Variants in ZMIZ2 observed in about 807,000 individuals in gnomAD.
ZMIZ2 encodes zinc finger MIZ domain-containing protein 2.
In ZMIZ2, 26 loss-of-function variants were observed where a neutral mutation model predicts 93.9. That is an observed-to-expected ratio of 0.28 (90% confidence interval 0.20 to 0.38). ZMIZ2 has a LOEUF of 0.38. Ranked by LOEUF, ZMIZ2 falls within the 10% of genes least tolerant of loss-of-function variation. The pLI is 1.00. For missense variants in ZMIZ2, 1,023 were observed against 1,235.0 expected, an observed-to-expected ratio of 0.83 and a Z score of 2.57; for synonymous variants, 485 against 516.4, an observed-to-expected ratio of 0.94 and a Z score of 0.82.
intron 1 of ZMIZ2, among the ~76,000 whole-genome samples, chr7:44,755,916 C>T (rs1027183231): frequency 6.6e-6 from 1 of 152,068 alleles, no homozygotes; most frequent in African/African-American, 2.4e-5. Context: ...TCGGGAAGTC[C>T]ATCTCTAGGG....
At position 44,766,672 on chromosome 7, in the gene ZMIZ2, C is replaced by T. The variant is rs1791741065; in HGVS notation, c.2655+9C>T. On this transcript the variant is annotated intron_variant, in intron 18 of 18. Transcript: ENST00000309315. This position sits in a 1 kb window ranked among gnomAD's most constrained non-coding sequence, Gnocchi z 4.4. ...CAGAACCAGCTCTGGACGTGAGTAC[C>T]AGGCCCCATGCGGGGGAGTGCGTGG... 1.2e-6 allele frequency: 2 copies of T among 1,612,402 alleles called. No individual in the cohort carries two copies. The highest frequency in any genetic ancestry group is 1.7e-6 in the Non-Finnish European group (2 of 1,179,520).
Position 44,761,319 on chromosome 7 carries a change from CT to C in ZMIZ2, c.1241-129del, listed in dbSNP as rs1180062208. ...ACCACTCAGGCCTGCCAAGCAGTGCCTGACAGGAGGGGCTCCCTTCACCAAG... is the reference window on the plus strand; with the variant it reads ...ACCACTCAGGCCTGCCAAGCAGTGCCGACAGGAGGGGCTCCCTTCACCAAG... On this transcript the variant is annotated intron_variant, in intron 9 of 18. Transcript: ENST00000309315. This position sits in a 1 kb window ranked among gnomAD's most constrained non-coding sequence, Gnocchi z 5.8. The C allele has an allele frequency of 1.5e-5, 21 of 1,434,618 alleles. No homozygotes were observed. The highest frequency in any genetic ancestry group is 1.9e-5 in the Non-Finnish European group (21 of 1,079,882). The allele number at this position is 1,434,618 out of a possible 1,614,324, so 88.9% of individuals were successfully genotyped here.
intron 7 of ZMIZ2, chr7:44,759,884 C>T: frequency 1.9e-6 from 1 of 540,098 alleles, no homozygotes; most frequent in South Asian, 2.1e-5. Flanking sequence ...AGCCTACCTC[C>T]CTGGGAGCCT....
At chr7:44,764,158 A>G (rs967481891) in intron 13 of ZMIZ2, among the ~76,000 whole-genome samples, 2 of 152,054 alleles carry the variant, frequency 1.3e-5, no homozygotes, top group Non-Finnish European at 2.9e-5. Flanking sequence ...CAAAAATACC[A>G]TGTTCTGGAA....
chr7:44,752,442 C>T (rs147282870), intron 1 of ZMIZ2, among the ~76,000 whole-genome samples: 1 of 152,272 alleles, frequency 6.6e-6, no homozygotes, highest in East Asian at 1.9e-4. Context: ...CGTGCCCAGC[C>T]TGTTGCCTTC....
chr7:44,762,332 A>T (rs1023291096), intron 11 of ZMIZ2, among the ~76,000 whole-genome samples: 3 of 152,236 alleles, frequency 2.0e-5, no homozygotes, highest in African/African-American at 7.2e-5. Flanking sequence ...AAACCAGGAT[A>T]TGCAGAAAGC....
Position 44,763,134 on chromosome 7 carries a change from C to T in ZMIZ2, c.1703-122C>T. 6.8e-7 allele frequency: 1 copy of T among 1,476,628 alleles called. No individual in the cohort carries two copies. Among genetic ancestry groups the T allele is most frequent in the Non-Finnish European group, 9.3e-7 (1 of 1,079,446 alleles). The allele number at this position is 1,476,628 out of a possible 1,614,324, so 91.5% of individuals were successfully genotyped here. ...TCTGCAGTAGGGGCAGTGGTTAGTT[C>T]CAGGTGGCCCCTCAGAGCTGTCAGT... On this transcript the variant is annotated intron_variant, in intron 12 of 18. Coordinates refer to ENST00000309315, the MANE Select transcript of ZMIZ2 (RefSeq NM_031449.4). The surrounding 1 kb of genome is among the most constrained non-coding windows in gnomAD (Gnocchi z 5.6).
intron 1 of ZMIZ2, among the ~76,000 whole-genome samples, chr7:44,755,026 G>T (rs1207056885): frequency 6.6e-6 from 1 of 152,190 alleles, no homozygotes; most frequent in East Asian, 1.9e-4. Context: ...GGGCTTGCTT[G>T]TGGCAGTGTC....
Position 44,762,919 on chromosome 7 carries a change from C to T in ZMIZ2, c.1635C>T (p.Ser545=), listed in dbSNP as rs368102529. 113 of 1,612,914 alleles carry T rather than the reference C, an allele frequency of 7.0e-5. No homozygotes were observed. In the Admixed American group the frequency reaches 1.2e-3, roughly 17 times the overall value. The change falls in exon 12 of 19, where the codon TCC becomes TCT. Residue 545 remains serine (S), a synonymous_variant. Coordinates refer to ENST00000309315, the MANE Select transcript of ZMIZ2 (RefSeq NM_031449.4). ...TGCTGCAGCTAGTGCACCGCCCATC[C>T]GTCCGCTCGGTGCTGCAGGGCCTCC... The part of the protein sequence containing the change: ...LFVLQLVHRP[S]VRSVLQGLLK...
intron 6 of ZMIZ2, among the ~76,000 whole-genome samples, 197 bp from the exon 7 acceptor site, chr7:44,759,084 T>TAAAAA (rs71563954): frequency 4.1e-5 from 4 of 97,494 alleles, no homozygotes; most frequent in African/African-American, 8.4e-5. Flanking sequence ...TGTCTCAAAT[T>TAAAAA]AAAAAAAAAA....
Position 44,758,011 on chromosome 7 carries a change from C to T in ZMIZ2, c.716C>T (p.Pro239Leu). 1 of 1,612,046 alleles carries T rather than the reference C, an allele frequency of 6.2e-7. No individual in the cohort carries two copies. The change falls in exon 6 of 19, where the codon CCC becomes CTC. Residue 239 changes from proline (P) to leucine (L), a missense_variant. Around this residue, in one of 3 missense-constraint regions of ZMIZ2, gnomAD observed 656 missense variants for 777.1 expected, o/e 0.84. Coordinates refer to ENST00000309315, the MANE Select transcript of ZMIZ2 (RefSeq NM_031449.4). ...CCCACCCGGGCAGCAGGAATGACAC[C>T]CTTGTATGCAGGGCAGCGTCTGCCC... is the stretch of plus-strand genomic sequence containing the variant. ...MNPTRAAGMT[P>L]LYAGQRLPQH... is the part of the protein sequence containing the mutation.
At chr7:44,762,735 A>C in intron 11 of ZMIZ2, 146 bp from the exon 12 acceptor site, 4 of 666,476 alleles carry the variant, frequency 6.0e-6, no homozygotes, top group Non-Finnish European at 7.6e-6. Context: ...TGTTGGCTGA[A>C]TCCCCACCCC....
chr7:44,759,069 G>T (rs185425379), intron 6 of ZMIZ2, among the ~76,000 whole-genome samples: 63 of 140,226 alleles, frequency 4.5e-4, no homozygotes, highest in African/African-American at 1.7e-3. Flanking sequence ...GCAACAGAGT[G>T]AGACTGTCTC....
Position 44,766,184 on chromosome 7 carries a change from G to A in ZMIZ2, c.2263G>A (p.Gly755Arg). 2 of 1,612,216 alleles carry A rather than the reference G, an allele frequency of 1.2e-6. No individual in the cohort carries two copies. Among genetic ancestry groups the A allele is most frequent in the Non-Finnish European group, 1.7e-6 (2 of 1,179,224 alleles). The change falls in exon 17 of 19, where the codon GGA (glycine) becomes AGA (arginine). Residue 755 changes from glycine to arginine, a missense_variant. Physicochemically the swap from Gly to Arg is moderately radical, Grantham distance 125. Around this residue, in one of 3 missense-constraint regions of ZMIZ2, gnomAD observed 319 missense variants for 358.8 expected, o/e 0.89. Transcript: ENST00000309315. This position sits in a 1 kb window ranked among gnomAD's most constrained non-coding sequence, Gnocchi z 4.4. ...CACAGGTTCCAGCTTCCTGGGGCCT[G>A]GAACTTTCCCTGAGTCCTTCCCACC... The part of the protein sequence containing the change: ...PGQGSSFLGP[G>R]TFPESFPPTT...
chr7:44,756,904 G>A (rs747148710), intron 3 of ZMIZ2, 43 bp from the exon 4 acceptor site: 42 of 1,608,278 alleles, frequency 2.6e-5, no homozygotes, highest in East Asian at 1.3e-4. Flanking sequence ...CATGAAGCAC[G>A]TTGTTTGGCT....
At position 44,761,862 on chromosome 7, in the gene ZMIZ2, C is replaced by G; in HGVS notation, c.1553C>G (p.Pro518Arg). Reference protein sequence around the residue: ...KPLYLKHVCQPGRNTIQITVT... With the variant: ...KPLYLKHVCQRGRNTIQITVT... ...CTCTACCTGAAGCATGTGTGCCAGCCAGGCCGCAACACCATCCAGATCACC... is the reference window on the plus strand; with the variant it reads ...CTCTACCTGAAGCATGTGTGCCAGCGAGGCCGCAACACCATCCAGATCACC... The change falls in exon 11 of 19, where the codon CCA (proline) becomes CGA (arginine). Residue 518 changes from proline to arginine, a missense_variant. Around this residue, in one of 3 missense-constraint regions of ZMIZ2, gnomAD observed 656 missense variants for 777.1 expected, o/e 0.84. Transcript: ENST00000309315. The surrounding 1 kb of genome is among the most constrained non-coding windows in gnomAD (Gnocchi z 5.8). 3 of 1,613,996 alleles carry G rather than the reference C, an allele frequency of 1.9e-6. No individual in the cohort carries two copies. The highest frequency in any genetic ancestry group is 2.5e-6 in the Non-Finnish European group (3 of 1,180,032).
At chr7:44,752,208 A>G (rs533043753) in intron 1 of ZMIZ2, among the ~76,000 whole-genome samples, 102 of 149,760 alleles carry the variant, frequency 6.8e-4, no homozygotes, top group African/African-American at 2.1e-3. Context: ...GCTCACTGCA[A>G]CCTCCACCTC....
chr7:44,754,580 C>T (rs182958185), intron 1 of ZMIZ2, among the ~76,000 whole-genome samples: 1 of 152,310 alleles, frequency 6.6e-6, no homozygotes. Context: ...CCCTCAGAAT[C>T]TCCAGGTCTA....
At chr7:44,760,023 G>T (rs181149584) in intron 7 of ZMIZ2, 128 bp from the exon 8 acceptor site, 5 of 946,068 alleles carry the variant, frequency 5.3e-6, no homozygotes, top group Non-Finnish European at 8.1e-6. Flanking sequence ...AGTGTTACTT[G>T]TAGATTATTT....
Sources: allele counts gnomAD v4.1 joint callset (sites outside exome capture counted in the v4.1 genomes callset), GRCh38; gene constraint gnomAD v4.1.1; regional missense constraint gnomAD v4.1.1; non-coding constraint Gnocchi (gnomAD v3.1); transcripts MANE v1.5; gene names NCBI Gene and HGNC (gene_info 2026-07-23, HGNC 2026-07-21).